SBF2: variants seen among roughly 807,000 people sequenced by gnomAD.
SBF2 encodes the protein SET binding factor 2, also known as myotubularin-related protein 13.
A neutral mutation model predicts 225.2 loss-of-function variants in SBF2; 112 were observed. The ratio of observed to expected loss-of-function variants is 0.50; its 90% CI spans 0.43 to 0.58. The LOEUF is 0.58. Ranked by LOEUF, SBF2 falls within the 20% of genes least tolerant of loss-of-function variation. The pLI is 0.00. For missense variants in SBF2, 1,996 were observed against 2,206.2 expected, an observed-to-expected ratio of 0.90 and a Z score of 1.91; for synonymous variants, 763 against 773.3, an observed-to-expected ratio of 0.99 and a Z score of 0.22.
At chr11:9,821,853 T>A (rs1050025257) in intron 28 of SBF2, among the ~76,000 whole-genome samples, 1 of 152,212 alleles carries the variant, frequency 6.6e-6, no homozygotes, top group African/African-American at 2.4e-5. Context: ...TATATACATA[T>A]AAATATAAAA....
At chr11:9,795,106 A>C (rs991209321) in intron 33 of SBF2, among the ~76,000 whole-genome samples, 15 of 152,196 alleles carry the variant, frequency 9.9e-5, no homozygotes, top group Non-Finnish European at 1.6e-4. Flanking sequence ...ACAGTTATAA[A>C]AGTAAGAATG....
intron 1 of SBF2, among the ~76,000 whole-genome samples, chr11:10,204,850 T>A (rs546683307): frequency 5.9e-5 from 9 of 151,490 alleles, no homozygotes; most frequent in Non-Finnish European, 1.2e-4. Flanking sequence ...CTTAAGGGGG[T>A]AAAGGGAGTG....
chr11:10,240,017 CTAAG>C (rs1398156726), intron 1 of SBF2, among the ~76,000 whole-genome samples: 1 of 152,072 alleles, frequency 6.6e-6, no homozygotes, highest in Non-Finnish European at 1.5e-5. Flanking sequence ...CCTTTAGTAA[CTAAG>C]TATAAGGTGA....
At chr11:10,155,187 G>C (rs190030450) in intron 2 of SBF2, among the ~76,000 whole-genome samples, 179 of 152,298 alleles carry the variant, frequency 1.2e-3, no homozygotes, top group African/African-American at 3.9e-3. Context: ...TTGTAATTCA[G>C]TAATTGTTTC....
Position 10,082,687 on chromosome 11 carries a change from C to T in SBF2, c.142-39706G>A, listed in dbSNP as rs531442616. Among the ~76,000 whole-genome samples, 6 of 152,186 alleles carry T rather than the reference C, an allele frequency of 3.9e-5. No homozygotes were observed. The South Asian group carries it at 6.2e-4, about 16-fold the overall frequency. On this transcript the variant is annotated intron_variant, in intron 2 of 39. Coordinates refer to ENST00000256190, the MANE Select transcript of SBF2 (RefSeq NM_030962.4). ...AATCATTTGATAAAATTCAGCATCCCTTTATAATAAAAACCTTCAACAAAA... is the reference window on the plus strand; with the variant it reads ...AATCATTTGATAAAATTCAGCATCCTTTTATAATAAAAACCTTCAACAAAA...
intron 2 of SBF2, among the ~76,000 whole-genome samples, chr11:10,097,801 G>A (rs1310745662): frequency 6.6e-6 from 1 of 152,154 alleles, no homozygotes; most frequent in Non-Finnish European, 1.5e-5. Flanking sequence ...TGCCAAGAGA[G>A]ATCCAATCAG....
intron 2 of SBF2, among the ~76,000 whole-genome samples, chr11:10,133,535 G>A (rs1954191078): frequency 7.4e-6 from 1 of 135,486 alleles, no homozygotes; most frequent in African/African-American, 2.5e-5. Context: ...ACCCTCCGCA[G>A]CCACTGGCCT....
chr11:10,185,535 G>A (rs959824949), intron 2 of SBF2, among the ~76,000 whole-genome samples: 2 of 151,604 alleles, frequency 1.3e-5, no homozygotes, highest in African/African-American at 4.8e-5. Context: ...GCTCACTGCT[G>A]CCTCCAACTA....
chr11:9,814,767 C>G (rs1236412961), intron 29 of SBF2, among the ~76,000 whole-genome samples: 1 of 152,068 alleles, frequency 6.6e-6, no homozygotes. Context: ...TCCTATTTCC[C>G]AACTATACAT....
At chr11:10,133,321 G>A (rs1954170655) in intron 2 of SBF2, among the ~76,000 whole-genome samples, 1 of 149,536 alleles carries the variant, frequency 6.7e-6, no homozygotes, top group Admixed American at 6.8e-5. Flanking sequence ...TCAGCCCTTG[G>A]GTGGTCGATG....
At chr11:9,842,157 T>G (rs1856204243) in intron 25 of SBF2, among the ~76,000 whole-genome samples, 1 of 152,192 alleles carries the variant, frequency 6.6e-6, no homozygotes, top group Non-Finnish European at 1.5e-5. Context: ...TTTCAAATAT[T>G]TAGCAAGTAT....
At chr11:10,064,473 T>C (rs1360233242) in intron 2 of SBF2, among the ~76,000 whole-genome samples, 1 of 152,124 alleles carries the variant, frequency 6.6e-6, no homozygotes, top group Admixed American at 6.5e-5. Context: ...CCTAACCATA[T>C]TAGTCATCAC....
At chr11:10,279,105 T>TAAAA (rs1459983511) in intron 1 of SBF2, among the ~76,000 whole-genome samples, 2,431 of 77,194 alleles carry the variant, frequency 0.031, 105 homozygotes, top group East Asian at 0.1. Flanking sequence ...CGGTCTTGTA[T>TAAAA]TAAAAAAAAA....
chr11:9,896,814 G>A (rs1201880729), intron 16 of SBF2, among the ~76,000 whole-genome samples: 3 of 151,554 alleles, frequency 2.0e-5, no homozygotes, highest in Admixed American at 6.6e-5. Flanking sequence ...GGGGTGGGGC[G>A]GGGAGGATCT....
chr11:10,198,837 CA>C (rs1271734586), intron 1 of SBF2, among the ~76,000 whole-genome samples: 1 of 152,220 alleles, frequency 6.6e-6, no homozygotes, highest in Non-Finnish European at 1.5e-5. Flanking sequence ...CCTCCAGCTT[CA>C]AACTTCTTTT....
At chr11:10,165,140 A>G (rs1171367993) in intron 2 of SBF2, 1 of 152,192 alleles carries the variant, frequency 6.6e-6, no homozygotes, top group African/African-American at 2.4e-5. Flanking sequence ...TCTATTTTTA[A>G]TCTGGAGAAA....
intron 6 of SBF2, among the ~76,000 whole-genome samples, chr11:10,011,053 A>G (rs1412002260): frequency 6.6e-6 from 1 of 152,182 alleles, no homozygotes; most frequent in East Asian, 1.9e-4. Context: ...AGTGGTGTAT[A>G]GGAATGCTTG....
intron 1 of SBF2, among the ~76,000 whole-genome samples, chr11:10,221,269 C>T (rs993409717): frequency 5.3e-5 from 8 of 152,042 alleles, no homozygotes; most frequent in African/African-American, 1.4e-4. Flanking sequence ...AGGCATGAGC[C>T]GTCACGCCCA....
At chr11:10,163,626 A>G (rs1955840674) in intron 2 of SBF2, among the ~76,000 whole-genome samples, 1 of 152,200 alleles carries the variant, frequency 6.6e-6, no homozygotes, top group African/African-American at 2.4e-5. Context: ...GATAAGCAAC[A>G]CTTTAAAGTA....
Sources: gnomAD v4.1 joint callset for allele counts (sites outside exome capture counted in the v4.1 genomes callset) on GRCh38, gnomAD v4.1.1 for gene constraint, MANE v1.5 for transcripts, NCBI Gene and HGNC (gene_info 2026-07-23, HGNC 2026-07-21) for gene names.